Variants in IL4R observed in about 807,000 individuals in gnomAD.
IL4R encodes interleukin 4 receptor.
In IL4R, 17 loss-of-function variants were observed where a neutral mutation model predicts 41.5. The ratio of observed to expected loss-of-function variants is 0.41; its 90% CI spans 0.28 to 0.61. The LOEUF (loss-of-function observed/expected upper bound fraction) is 0.61, where lower values mean the gene tolerates loss of function less well. IL4R is among the 20% of genes least tolerant of loss of function. IL4R has a pLI of 0.31. For synonymous variants in IL4R, 402 were observed against 422.9 expected (o/e 0.95, Z 0.61); for missense variants, 974 against 1,043.1 (o/e 0.93, Z 0.91).
intron 1 of IL4R, among the ~76,000 whole-genome samples, chr16:27,315,982 C>T (rs1312955815): frequency 1.3e-5 from 2 of 152,150 alleles, no homozygotes; most frequent in African/African-American, 4.8e-5. Flanking sequence ...ATGTTTAATA[C>T]AATACAATCC....
At position 27,363,675 on chromosome 16, in the gene IL4R, C is replaced by A; in HGVS notation, c.2323C>A (p.Leu775Met). Residue 775 changes from leucine (L) to methionine (M), a missense_variant, in exon 11 of 11, where the codon CTG (leucine) becomes ATG (methionine). Leu to Met is a conservative substitution (Grantham distance 15, BLOSUM62 2). Around this residue, in one of 3 missense-constraint regions of IL4R, gnomAD observed 682 missense variants for 704.3 expected, o/e 0.97. Transcript: ENST00000395762. Reference protein sequence around the residue: ...SPGGVPLEASLCPASLAPSGI... With the variant: ...SPGGVPLEASMCPASLAPSGI... ...AGGTGGGGTTCCACTGGAGGCCAGT[C>A]TGTGTCCGGCCTCCCTGGCACCCTC... 6.2e-7 allele frequency: 1 copy of A among 1,613,946 alleles called. No individual in the cohort carries two copies. The highest frequency in any genetic ancestry group is 8.5e-7 in the Non-Finnish European group (1 of 1,180,014).
At chr16:27,316,929 G>A (rs991116476) in intron 1 of IL4R, among the ~76,000 whole-genome samples, 7 of 144,464 alleles carry the variant, frequency 4.8e-5, no homozygotes, top group Non-Finnish European at 1.0e-4. Context: ...TTAGAGCCAT[G>A]GTCTCTCTCT....
At chr16:27,340,117 G>A in intron 2 of IL4R, 69 bp from the exon 3 acceptor site, 1 of 952,732 alleles carries the variant, frequency 1.0e-6, no homozygotes. Flanking sequence ...GGGGAGGGTT[G>A]CATATTGAAT....
At chr16:27,348,597 A>G (rs2085750253) in intron 6 of IL4R, among the ~76,000 whole-genome samples, 2 of 152,176 alleles carry the variant, frequency 1.3e-5, no homozygotes, top group South Asian at 4.1e-4. Flanking sequence ...TCCCAAAGCC[A>G]CAGTGGGAAA....
chr16:27,360,056 T>C (rs1473832334), intron 9 of IL4R, among the ~76,000 whole-genome samples: 1 of 151,940 alleles, frequency 6.6e-6, no homozygotes, highest in African/African-American at 2.4e-5. Flanking sequence ...TTTGCTCTTA[T>C]TGCCCAGGAG....
intron 3 of IL4R, chr16:27,341,026 C>T (rs2085424633): frequency 1.7e-6 from 1 of 596,344 alleles, no homozygotes; most frequent in Non-Finnish European, 3.1e-6. Flanking sequence ...AAAGACCTTG[C>T]AGTGTTTGAG....
At chr16:27,354,856 G>T (rs2086005533) in intron 7 of IL4R, among the ~76,000 whole-genome samples, 1 of 152,234 alleles carries the variant, frequency 6.6e-6, no homozygotes, top group Non-Finnish European at 1.5e-5. Context: ...CCTGGGCTGT[G>T]AGCTCCATAG....
chr16:27,314,173 C>A, intron 1 of IL4R, 153 bp downstream of exon 1: 1 of 909,774 alleles, frequency 1.1e-6, no homozygotes, highest in Non-Finnish European at 1.3e-6. Context: ...TCGGTGCGCG[C>A]GGAGCAGCGC....
Position 27,363,899 on chromosome 16 carries a change from C to T in IL4R, c.*69C>T. 1 of 1,498,364 alleles carries T rather than the reference C, an allele frequency of 6.7e-7. No individual in the cohort carries two copies. The highest frequency in any genetic ancestry group is 8.9e-7 in the Non-Finnish European group (1 of 1,122,542). The allele number at this position is 1,498,364 out of a possible 1,614,324, so 92.8% of individuals were successfully genotyped here. On this transcript the variant is annotated 3_prime_UTR_variant, in exon 11 of 11. Coordinates refer to ENST00000395762, the MANE Select transcript of IL4R (RefSeq NM_000418.4). ...CTTATCCATGCCTGGGAAATGCCAC[C>T]TCCTGGAAGGCAGCCAGGCTGGCAG...
chr16:27,338,413 C>T (rs983406726), intron 2 of IL4R, among the ~76,000 whole-genome samples: 2 of 151,572 alleles, frequency 1.3e-5, no homozygotes, highest in Admixed American at 1.3e-4. Flanking sequence ...GAGATAAGGT[C>T]TCACTCTGTT....
At chr16:27,349,199 G>A (rs769056585) in intron 6 of IL4R, among the ~76,000 whole-genome samples, 20 of 152,308 alleles carry the variant, frequency 1.3e-4, no homozygotes, top group Middle Eastern at 3.4e-3. Flanking sequence ...GACTAATGAG[G>A]GTTGGCCCTG....
chr16:27,329,134 C>G (rs2085042015), intron 1 of IL4R, among the ~76,000 whole-genome samples: 1 of 151,930 alleles, frequency 6.6e-6, no homozygotes, highest in Non-Finnish European at 1.5e-5. Flanking sequence ...GTGTGCGGCA[C>G]CTCCCTCCTC....
intron 1 of IL4R, among the ~76,000 whole-genome samples, chr16:27,319,377 C>T (rs1292331997): frequency 6.6e-6 from 1 of 152,246 alleles, no homozygotes; most frequent in East Asian, 1.9e-4. Flanking sequence ...CAGGGTCACA[C>T]ACCTGAAGGT....
Position 27,341,587 on chromosome 16 carries a change from A to T in IL4R, c.71-534A>T, listed in dbSNP as rs533266726. 9.9e-5 allele frequency among the ~76,000 whole-genome samples: 15 copies of T among 152,214 alleles called. 1 individual carries two copies. In the South Asian group the frequency reaches 3.1e-3, roughly 32 times the overall value. ...GGGCGCTGAAAGGAGAAGGACCCCG[A>T]TGTCTCCTCCAGCCCATCCATCTCC... is the stretch of plus-strand genomic sequence containing the variant. On this transcript the variant is annotated intron_variant, in intron 3 of 10. Transcript: ENST00000395762.
At chr16:27,361,600 G>C (rs192369104) in intron 10 of IL4R, among the ~76,000 whole-genome samples, 250 of 148,016 alleles carry the variant, frequency 1.7e-3, no homozygotes, top group African/African-American at 6.2e-3. Context: ...TCAACCCTAG[G>C]ATCCCGCATC....
At chr16:27,338,104 G>C in intron 2 of IL4R, among the ~76,000 whole-genome samples, 1 of 151,354 alleles carries the variant, frequency 6.6e-6, no homozygotes, top group Middle Eastern at 3.4e-3. Flanking sequence ...CTACAGGTGT[G>C]CGCCACCACA....
At chr16:27,316,805 G>A (rs990811146) in intron 1 of IL4R, among the ~76,000 whole-genome samples, 1 of 152,138 alleles carries the variant, frequency 6.6e-6, no homozygotes, top group Non-Finnish European at 1.5e-5. Flanking sequence ...AGATTATAGT[G>A]ACTATGCCAT....
chr16:27,322,028 G>A (rs1012530790), intron 1 of IL4R, among the ~76,000 whole-genome samples: 3 of 150,266 alleles, frequency 2.0e-5, no homozygotes, highest in Non-Finnish European at 4.4e-5. Flanking sequence ...TTTCTGTTGG[G>A]TATAAGGTTC....
chr16:27,342,521 G>T (rs906933757), intron 4 of IL4R, among the ~76,000 whole-genome samples: 3 of 152,118 alleles, frequency 2.0e-5, no homozygotes, highest in African/African-American at 7.2e-5. Context: ...ACACTTTTTG[G>T]TCTCAGGACC....
Sources: gnomAD v4.1 joint callset for allele counts (sites outside exome capture counted in the v4.1 genomes callset) on GRCh38, gnomAD v4.1.1 for gene constraint, gnomAD v4.1.1 regional missense constraint, MANE v1.5 for transcripts, NCBI Gene and HGNC (gene_info 2026-07-23, HGNC 2026-07-21) for gene names.